The following ATP7A variants were observed in gnomAD, a reference collection of about 807,000 sequenced individuals.
ATP7A encodes the protein copper-transporting ATPase 1.
Under a neutral mutation model 83.5 loss-of-function variants are expected in ATP7A, and 7 were observed. The observed-to-expected ratio is 0.08, with a 90% confidence interval of 0.05 to 0.16. ATP7A has a LOEUF of 0.16. ATP7A is among the 10% of genes least tolerant of loss of function. The pLI is 1.00. For missense variants in ATP7A, 940 were observed against 1,120.8 expected, an observed-to-expected ratio of 0.84 and a Z score of 2.30; for synonymous variants, 354 against 395.2, an observed-to-expected ratio of 0.90 and a Z score of 1.24.
chrX:77,996,529 G>C (rs1557232569), intron 4 of ATP7A, among the ~76,000 whole-genome samples: 1 of 111,596 alleles, frequency 9.0e-6, no homozygotes, highest in Non-Finnish European at 1.9e-5. Context: ...CACCCTTACT[G>C]TCTCTGTGGA....
chrX:77,949,111 G>A (rs1414860407), intron 1 of ATP7A, among the ~76,000 whole-genome samples: 2 of 111,022 alleles, frequency 1.8e-5, no homozygotes, highest in African/African-American at 6.6e-5. Context: ...GACTGGTTTC[G>A]AACTCCTGAG....
At chrX:77,922,428 A>G (rs891478311) in intron 1 of ATP7A, among the ~76,000 whole-genome samples, 3 of 110,889 alleles carry the variant, frequency 2.7e-5, no homozygotes, top group Non-Finnish European at 5.7e-5. Flanking sequence ...GCTTGAGCCT[A>G]GGAAGTCGAG....
chrX:78,007,089 T>G (rs1358613517), intron 6 of ATP7A, among the ~76,000 whole-genome samples: 1 of 112,010 alleles, frequency 8.9e-6, no homozygotes, highest in Non-Finnish European at 1.9e-5. Flanking sequence ...ACTGCCAGAC[T>G]GTTTTCTAAA....
intron 2 of ATP7A, among the ~76,000 whole-genome samples, chrX:77,972,309 G>A (rs371378425): frequency 5.5e-5 from 6 of 109,551 alleles, no homozygotes; most frequent in East Asian, 5.7e-4. Context: ...CTCCCATCTC[G>A]GCCTCCCAAG....
intron 1 of ATP7A, chrX:77,924,290 TGATA>T (rs1365215744): frequency 8.9e-6 from 1 of 112,326 alleles, no homozygotes; most frequent in Non-Finnish European, 1.9e-5. Context: ...ATATTGTTGT[TGATA>T]ATTATTTGTC....
chrX:77,972,749 A>G (rs2077556086), intron 2 of ATP7A, among the ~76,000 whole-genome samples: 1 of 110,933 alleles, frequency 9.0e-6, no homozygotes, highest in African/African-American at 3.3e-5. Flanking sequence ...TGATCCTCCC[A>G]CCTGGGCCTC....
At chrX:77,973,855 T>C (rs1376105888) in intron 2 of ATP7A, among the ~76,000 whole-genome samples, 1 of 112,044 alleles carries the variant, frequency 8.9e-6, no homozygotes, top group Non-Finnish European at 1.9e-5. Flanking sequence ...ATAGTATATG[T>C]CTATTTATGT....
At chrX:77,997,987 A>G (rs1417300260) in intron 4 of ATP7A, among the ~76,000 whole-genome samples, 2 of 108,509 alleles carry the variant, frequency 1.8e-5, no homozygotes, top group East Asian at 5.6e-4. Flanking sequence ...ATAGTTTGGT[A>G]TGTAACCCCC....
intron 17 of ATP7A, among the ~76,000 whole-genome samples, chrX:78,034,294 C>T (rs1161416282): frequency 3.6e-5 from 4 of 111,236 alleles, no homozygotes; most frequent in Non-Finnish European, 7.5e-5. Context: ...CAGGGACCTC[C>T]CTCTTTCTGT....
intron 1 of ATP7A, among the ~76,000 whole-genome samples, chrX:77,939,647 TG>T (rs1318870274): frequency 3.6e-5 from 4 of 110,893 alleles, no homozygotes; most frequent in Non-Finnish European, 5.7e-5. Flanking sequence ...ATGATATATT[TG>T]TTTTCTTGAA....
Position 78,040,748 on chromosome X carries a change from T to C in ATP7A, c.3801+15T>C. 4.1e-6 allele frequency: 5 copies of C among 1,206,202 alleles called. No individual in the cohort carries two copies. Among genetic ancestry groups the C allele is most frequent in the Non-Finnish European group, 5.6e-6 (5 of 890,738 alleles). ...TTGCTTCTCAGGTAATTGATAGGGG[T>C]ATGTGATAACTTCTAATTATTGATA... On this transcript the variant is annotated intron_variant, in intron 19 of 22. Transcript: ENST00000341514.
At position 77,932,856 on chromosome X, in the gene ATP7A, T is replaced by C. The variant is rs962357835; in HGVS notation, c.-22+22021T>C. 2.9e-3 allele frequency among the ~76,000 whole-genome samples: 326 copies of C among 110,995 alleles called. 1 individual carries two copies. Among genetic ancestry groups the C allele is most frequent in the Non-Finnish European group, 4.8e-3 (254 of 52,804 alleles). ...TTGCAGTGAGCCGAGATGGCAGCAG[T>C]ACAGTCCAGCTTCGGCTCGGCATTA... On this transcript the variant is annotated intron_variant, in intron 1 of 22. Transcript: ENST00000341514.
intron 10 of ATP7A, 72 bp downstream of exon 10, chrX:78,013,184 C>A: frequency 1.1e-6 from 1 of 918,734 alleles, no homozygotes; most frequent in Non-Finnish European, 1.6e-6. Context: ...TTAGGCCAAT[C>A]ATTGGAAATA....
rs192102123 is a variant in ATP7A, at chrX:78,041,436, C to T, written c.3801+703C>T. On this transcript the variant is annotated intron_variant, in intron 19 of 22. Transcript: ENST00000341514. ...GATTACATGCATACACCACCACGCC[C>T]GGCTAATTTTGTATTTTTAGTAGAG... Among the ~76,000 whole-genome samples the T allele has an allele frequency of 1.1e-3, 122 of 109,222 alleles. No individual in the cohort carries two copies. The East Asian group carries it at 0.021, about 19-fold the overall frequency. 94.8% of individuals were successfully genotyped at this position (109,222 alleles called of 115,157 possible). A position where few individuals can be genotyped will look rare whatever the true frequency, so the allele number is the denominator to read the frequency against.
chrX:78,014,701 C>G lies in ATP7A; in HGVS notation c.2446C>G (p.Gln816Glu), dbSNP rs2077849776. ...SEALAKLISLQATEATIVTLD... is the reference protein window; with the variant it reads ...SEALAKLISLEATEATIVTLD... ...GGCTCTTGCAAAGTTAATTTCACTA[C>G]AAGCTACAGAAGCAACTATTGTAAC... The change falls in exon 11 of 23, where the codon CAA (glutamine) becomes GAA (glutamate). Residue 816 changes from glutamine to glutamate, a missense_variant. By Grantham distance (29) the Gln-to-Glu change is conservative. Transcript: ENST00000341514. The G allele has an allele frequency of 1.7e-6, 2 of 1,207,369 alleles. No individual in the cohort carries two copies. The highest frequency in any genetic ancestry group is 2.2e-5 in the Admixed American group (1 of 45,543).
chrX:77,978,855 G>A (rs1330722539), intron 2 of ATP7A, among the ~76,000 whole-genome samples: 7 of 111,032 alleles, frequency 6.3e-5, no homozygotes, highest in East Asian at 2.8e-4. Context: ...ATTTTGAGAC[G>A]GAATCTTGCT....
intron 1 of ATP7A, among the ~76,000 whole-genome samples, chrX:77,950,097 C>G (rs1557226643): frequency 1.8e-5 from 2 of 112,200 alleles, no homozygotes; most frequent in Non-Finnish European, 3.8e-5. Context: ...CTTCTGGCAT[C>G]TTGACTGTAT....
chrX:78,004,011 A>C (rs2077756996), intron 6 of ATP7A, among the ~76,000 whole-genome samples: 1 of 111,783 alleles, frequency 8.9e-6, no homozygotes, highest in South Asian at 3.7e-4. Context: ...AAAATTTAGA[A>C]CCAATCTATA....
At chrX:78,009,528 A>G in intron 7 of ATP7A, 1 of 322,647 alleles carries the variant, frequency 3.1e-6, no homozygotes, top group Non-Finnish European at 5.4e-6. Context: ...AATATTTAGA[A>G]AATGGAAATA....
Sources: gnomAD v4.1 joint callset for allele counts (sites outside exome capture counted in the v4.1 genomes callset) on GRCh38, gnomAD v4.1.1 for gene constraint, MANE v1.5 for transcripts, NCBI Gene and HGNC (gene_info 2026-07-23, HGNC 2026-07-21) for gene names.